DGKB: variants seen among roughly 807,000 people sequenced by gnomAD.
DGKB encodes 90 kDa diacylglycerol kinase.
Under a neutral mutation model 114.3 loss-of-function variants are expected in DGKB, and 67 were observed. The observed-to-expected ratio is 0.59, with a 90% CI of 0.48 to 0.72. DGKB has a LOEUF of 0.72. DGKB is among the 30% of genes least tolerant of loss of function. The probability of loss-of-function intolerance (pLI) is 0.00; values close to 1 mark genes in which losing one functional copy is unlikely to be tolerated. For synonymous variants in DGKB, 398 were observed against 323.1 expected, an observed-to-expected ratio of 1.23 and a Z score of -2.49; for missense variants, 907 against 975.2, an observed-to-expected ratio of 0.93 and a Z score of 0.93.
At chr7:14,205,803 A>AATGAGGG (rs1199240713) in intron 23 of DGKB, among the ~76,000 whole-genome samples, 3 of 151,990 alleles carry the variant, frequency 2.0e-5, no homozygotes, top group African/African-American at 7.2e-5. Flanking sequence ...ACACGGCCAG[A>AATGAGGG]ATGAGGGAAT....
At chr7:14,847,938 G>A (rs1848858666) in intron 1 of DGKB, among the ~76,000 whole-genome samples, 1 of 152,150 alleles carries the variant, frequency 6.6e-6, no homozygotes, top group South Asian at 2.1e-4. Flanking sequence ...AGAAGTAAAG[G>A]AGCACATGAT....
intron 2 of DGKB, among the ~76,000 whole-genome samples, chr7:14,812,557 C>T (rs1056520798): frequency 1.3e-5 from 2 of 152,090 alleles, no homozygotes; most frequent in African/African-American, 4.8e-5. Flanking sequence ...AACCACTTCA[C>T]CTGTAGAAAT....
chr7:14,294,761 T>C (rs1184274785), intron 23 of DGKB, among the ~76,000 whole-genome samples: 1 of 152,182 alleles, frequency 6.6e-6, no homozygotes, highest in Non-Finnish European at 1.5e-5. Context: ...ATATATTATA[T>C]GGGATGGCCC....
intron 13 of DGKB, among the ~76,000 whole-genome samples, chr7:14,660,164 T>C (rs548963564): frequency 6.6e-6 from 1 of 152,048 alleles, no homozygotes; most frequent in Non-Finnish European, 1.5e-5. Context: ...TTTGCATCAA[T>C]GTTCCTCAAG....
At chr7:14,383,773 A>T (rs13241876) in intron 21 of DGKB, among the ~76,000 whole-genome samples, 1 of 152,230 alleles carries the variant, frequency 6.6e-6, no homozygotes, top group Non-Finnish European at 1.5e-5. Context: ...TGTCCACACA[A>T]AATTTCAGAA....
intron 1 of DGKB, among the ~76,000 whole-genome samples, chr7:14,958,346 GAGT>G (rs1786633816): frequency 6.6e-6 from 1 of 151,402 alleles, no homozygotes; most frequent in Non-Finnish European, 1.5e-5. Context: ...CAAATAAAGG[GAGT>G]AGATGTCAGA....
intron 20 of DGKB, among the ~76,000 whole-genome samples, chr7:14,507,435 G>T (rs1787266647): frequency 6.6e-6 from 1 of 152,012 alleles, no homozygotes; most frequent in Non-Finnish European, 1.5e-5. Flanking sequence ...AGTCTCAATG[G>T]TCTCTTACTA....
intron 13 of DGKB, among the ~76,000 whole-genome samples, chr7:14,646,024 A>G (rs1812925695): frequency 6.6e-6 from 1 of 152,238 alleles, no homozygotes. Flanking sequence ...GTCTTCACCT[A>G]TCAACAACTA....
chr7:14,455,131 T>C (rs1237631208), intron 21 of DGKB, among the ~76,000 whole-genome samples: 32 of 152,192 alleles, frequency 2.1e-4, no homozygotes, highest in Admixed American at 2.1e-3. Context: ...TTTAGAATTC[T>C]CTGTATTTCT....
At chr7:14,518,828 C>T (rs1038900650) in intron 20 of DGKB, among the ~76,000 whole-genome samples, 1 of 151,972 alleles carries the variant, frequency 6.6e-6, no homozygotes, top group African/African-American at 2.4e-5. Flanking sequence ...AATTTTAGCA[C>T]ATACCACAAT....
intron 1 of DGKB, among the ~76,000 whole-genome samples, chr7:14,923,730 C>T (rs566360417): frequency 1.3e-5 from 2 of 152,184 alleles, no homozygotes; most frequent in African/African-American, 4.8e-5. Context: ...CACGGTGGCA[C>T]ATGCCTGTGA....
chr7:14,889,773 C>A (rs901717476), intron 1 of DGKB, among the ~76,000 whole-genome samples: 4 of 151,330 alleles, frequency 2.6e-5, no homozygotes, highest in Non-Finnish European at 4.4e-5. Flanking sequence ...CTGACAAAAA[C>A]AAAAAGTATG....
intron 23 of DGKB, among the ~76,000 whole-genome samples, chr7:14,214,572 ATTCT>A (rs1231549452): frequency 3.3e-5 from 5 of 152,072 alleles, no homozygotes; most frequent in Non-Finnish European, 4.4e-5. Flanking sequence ...AATTTTCTCT[ATTCT>A]TTCTTTCTCC....
At chr7:14,747,027 A>G (rs1345500015) in intron 4 of DGKB, among the ~76,000 whole-genome samples, 3 of 152,158 alleles carry the variant, frequency 2.0e-5, no homozygotes, top group Admixed American at 6.5e-5. Context: ...CAATTCTTAA[A>G]TTATTTCTAC....
At chr7:14,327,241 A>T (rs1299639445) in intron 23 of DGKB, among the ~76,000 whole-genome samples, 1 of 152,122 alleles carries the variant, frequency 6.6e-6, no homozygotes, top group African/African-American at 2.4e-5. Context: ...GAACATTTGG[A>T]TGAAAAGTAA....
At chr7:14,182,814 G>T (rs1488215194) in intron 23 of DGKB, among the ~76,000 whole-genome samples, 2 of 152,146 alleles carry the variant, frequency 1.3e-5, no homozygotes, top group East Asian at 3.8e-4. Context: ...AATTGTTTCA[G>T]ACTGCCATAT....
chr7:14,633,721 CTG>C (rs1810197054), intron 13 of DGKB, among the ~76,000 whole-genome samples: 1 of 151,512 alleles, frequency 6.6e-6, no homozygotes, highest in Non-Finnish European at 1.5e-5. Context: ...AATACAGAAA[CTG>C]TATATTTTTA....
intron 25 of DGKB, among the ~76,000 whole-genome samples, chr7:14,159,225 C>G (rs942892019): frequency 1.6e-4 from 24 of 152,138 alleles, no homozygotes; most frequent in Admixed American, 1.5e-3. Context: ...CCTTCTGAAC[C>G]CTGTACACAC....
At chr7:14,537,862 C>A (rs1024256369) in intron 20 of DGKB, among the ~76,000 whole-genome samples, 3 of 152,040 alleles carry the variant, frequency 2.0e-5, no homozygotes, top group African/African-American at 7.2e-5. Context: ...GGGTGGATCA[C>A]CTGAGGTTGG....
Sources: allele counts gnomAD v4.1 joint callset (sites outside exome capture counted in the v4.1 genomes callset), GRCh38; gene constraint gnomAD v4.1.1; transcripts MANE v1.5; gene names NCBI Gene and HGNC (gene_info 2026-07-23, HGNC 2026-07-21).